GRIN2B: variants seen among roughly 807,000 people sequenced by gnomAD.
GRIN2B encodes the protein glutamate receptor ionotropic, NMDA 2B.
A neutral mutation model predicts 114.5 loss-of-function variants in GRIN2B; 5 were observed. The ratio of observed to expected loss-of-function variants is 0.04; its 90% confidence interval spans 0.02 to 0.09. The LOEUF is 0.09. Ranked by LOEUF, GRIN2B falls within the 10% of genes least tolerant of loss-of-function variation. The pLI is 1.00. For synonymous variants in GRIN2B, 787 were observed against 745.1 expected, an observed-to-expected ratio of 1.06 and a Z score of -0.92; for missense variants, 1,108 against 1,943.5, an observed-to-expected ratio of 0.57 and a Z score of 8.08.
chr12:13,748,963 G>A (rs1481180114), intron 4 of GRIN2B, among the ~76,000 whole-genome samples: 2 of 152,198 alleles, frequency 1.3e-5, no homozygotes, highest in Non-Finnish European at 2.9e-5. Context: ...CTTGGCTTAA[G>A]TATTTTTCTT....
At chr12:13,813,041 G>A (rs947763161) in intron 3 of GRIN2B, among the ~76,000 whole-genome samples, 1 of 148,906 alleles carries the variant, frequency 6.7e-6, no homozygotes, top group African/African-American at 2.5e-5. Context: ...CCGGGTTCAA[G>A]CAATTCTTCT....
At chr12:13,898,063 A>G (rs1268211671) in intron 2 of GRIN2B, among the ~76,000 whole-genome samples, 1 of 152,092 alleles carries the variant, frequency 6.6e-6, no homozygotes, top group African/African-American at 2.4e-5. Context: ...CACTAGCTCT[A>G]TCAACAAGGC....
At chr12:13,693,859 A>G (rs951735933) in intron 4 of GRIN2B, among the ~76,000 whole-genome samples, 3 of 152,110 alleles carry the variant, frequency 2.0e-5, no homozygotes, top group African/African-American at 7.2e-5. Flanking sequence ...CTCCCAGGGC[A>G]CTTATGAGAC....
chr12:13,582,307 C>G (rs1176909963), intron 10 of GRIN2B, among the ~76,000 whole-genome samples: 1 of 152,138 alleles, frequency 6.6e-6, no homozygotes, highest in East Asian at 1.9e-4. Flanking sequence ...CAAATTCATT[C>G]AAAAGGCATG....
chr12:13,962,391 T>C (rs1867710575), intron 2 of GRIN2B, among the ~76,000 whole-genome samples: 1 of 152,136 alleles, frequency 6.6e-6, no homozygotes, highest in Non-Finnish European at 1.5e-5. Context: ...GATCAATATA[T>C]CCACCAGCCT....
intron 5 of GRIN2B, among the ~76,000 whole-genome samples, chr12:13,672,344 C>T (rs779024995): frequency 6.6e-6 from 1 of 152,142 alleles, no homozygotes; most frequent in African/African-American, 2.4e-5. Context: ...CACATTCCTC[C>T]CCTGCTTATC....
intron 2 of GRIN2B, among the ~76,000 whole-genome samples, chr12:13,963,008 A>T (rs1444756318): frequency 1.3e-5 from 2 of 151,918 alleles, no homozygotes; most frequent in African/African-American, 4.8e-5. Context: ...TGTTTTTCTC[A>T]TCCTTCCTCT....
At chr12:13,717,066 C>CGTGTGTGTGT (rs56360153) in intron 4 of GRIN2B, among the ~76,000 whole-genome samples, 4,543 of 145,986 alleles carry the variant, frequency 0.031, 68 homozygotes, top group Non-Finnish European at 0.039. Flanking sequence ...ATGCCATACG[C>CGTGTGTGTGT]GTGTGTGTGT....
chr12:13,933,658 G>A (rs576526715), intron 2 of GRIN2B, among the ~76,000 whole-genome samples: 2 of 152,158 alleles, frequency 1.3e-5, no homozygotes, highest in Non-Finnish European at 2.9e-5. Context: ...ATGAGCATGT[G>A]GCCCTGCAGA....
At chr12:13,901,022 T>G (rs769503827) in intron 2 of GRIN2B, among the ~76,000 whole-genome samples, 8 of 152,152 alleles carry the variant, frequency 5.3e-5, no homozygotes, top group Admixed American at 2.6e-4. Context: ...CAATAATAAC[T>G]GAAGTTCTCT....
intron 2 of GRIN2B, among the ~76,000 whole-genome samples, chr12:13,878,609 T>C (rs949560469): frequency 1.3e-5 from 2 of 152,222 alleles, no homozygotes; most frequent in African/African-American, 4.8e-5. Flanking sequence ...CTATGAGGCT[T>C]TCTTTGATTC....
intron 4 of GRIN2B, among the ~76,000 whole-genome samples, chr12:13,689,446 C>T (rs1242915126): frequency 6.6e-6 from 1 of 152,106 alleles, no homozygotes; most frequent in African/African-American, 2.4e-5. Flanking sequence ...ATTTCCCATG[C>T]CCAATCCATC....
intron 10 of GRIN2B, among the ~76,000 whole-genome samples, chr12:13,593,079 T>C (rs1358167856): frequency 6.6e-6 from 1 of 152,106 alleles, no homozygotes; most frequent in Non-Finnish European, 1.5e-5. Context: ...GTAAGGATAA[T>C]GTGGATAGGA....
At chr12:13,803,891 G>A (rs1457322120) in intron 3 of GRIN2B, among the ~76,000 whole-genome samples, 3 of 152,164 alleles carry the variant, frequency 2.0e-5, no homozygotes, top group Admixed American at 6.5e-5. Context: ...TTCTGCCTGT[G>A]AGCCTGCAGT....
At position 13,766,773 on chromosome 12, in the gene GRIN2B, G is replaced by A. The variant is rs559970807; in HGVS notation, c.412-12858C>T. On this transcript the variant is annotated intron_variant, in intron 3 of 13. Transcript: ENST00000609686. Reference sequence around the variant, plus strand: ...AGATTTTTATTCTTCAGAAAAGCTGGGGGAATGATAATTCCTCATCTCTTC... The same window carrying A: ...AGATTTTTATTCTTCAGAAAAGCTGAGGGAATGATAATTCCTCATCTCTTC... Among the ~76,000 whole-genome samples, 9 of 152,236 alleles carry A rather than the reference G, an allele frequency of 5.9e-5. 1 individual carries two copies. In the South Asian group the frequency reaches 1.9e-3, roughly 32 times the overall value.
rs7308191 is a variant in GRIN2B at position 13,942,611 on chromosome 12, C to G, written c.-19+37317G>C. On this transcript the variant is annotated intron_variant, in intron 2 of 13. Coordinates refer to ENST00000609686, the MANE Select transcript of GRIN2B (RefSeq NM_000834.5). Reference sequence around the variant, plus strand: ...ATGAGGCAAATTAATTAATGATATCCTAATAGGCCTAAGTTAGATAATCAT... The same window carrying G: ...ATGAGGCAAATTAATTAATGATATCGTAATAGGCCTAAGTTAGATAATCAT... Among the ~76,000 whole-genome samples, 1,074 of 152,218 alleles carry G rather than the reference C, an allele frequency of 7.1e-3. 16 individuals are homozygous for G. Among genetic ancestry groups the G allele is most frequent in the African/African-American group, 0.024 (1,009 of 41,544 alleles).
intron 4 of GRIN2B, among the ~76,000 whole-genome samples, chr12:13,676,815 T>G (rs1305946075): frequency 6.6e-6 from 1 of 152,124 alleles, no homozygotes; most frequent in Non-Finnish European, 1.5e-5. Context: ...AGGATGCATC[T>G]GGAAATCAGG....
chr12:13,980,722 T>C (rs891446058), intron 1 of GRIN2B, among the ~76,000 whole-genome samples: 5 of 152,116 alleles, frequency 3.3e-5, no homozygotes, highest in African/African-American at 1.2e-4. Context: ...AATTCCCACT[T>C]AACTCGCCAG....
intron 13 of GRIN2B, among the ~76,000 whole-genome samples, 164 bp downstream of exon 13, chr12:13,566,861 C>A (rs543129112): frequency 6.6e-6 from 1 of 152,316 alleles, no homozygotes; most frequent in African/African-American, 2.4e-5. Flanking sequence ...TTCTGAGCCA[C>A]TTGCAATCAT....
Sources: allele counts gnomAD v4.1 joint callset (sites outside exome capture counted in the v4.1 genomes callset), GRCh38; gene constraint gnomAD v4.1.1; transcripts MANE v1.5; gene names NCBI Gene and HGNC (gene_info 2026-07-23, HGNC 2026-07-21).